Variants in CYP4X1 observed in about 807,000 individuals in gnomAD.
CYP4X1 encodes cytochrome P450 4X1.
In CYP4X1, 44 loss-of-function variants were observed where a neutral mutation model predicts 57.9. The ratio of observed to expected loss-of-function variants is 0.76; its 90% CI spans 0.60 to 0.98. CYP4X1 has a LOEUF of 0.98. CYP4X1 is among the 50% of genes least tolerant of loss of function. The pLI is 0.00. For synonymous variants in CYP4X1, 227 were observed against 228.6 expected (o/e 0.99, Z 0.06); for missense variants, 532 against 623.9 (o/e 0.85, Z 1.57).
the CYP4X1 span, among the ~76,000 whole-genome samples, chr1:46,995,731 A>G: frequency 1.1e-4 from 16 of 152,188 alleles, no homozygotes; most frequent in Non-Finnish European, 1.6e-4. Context: ...CCTTGTGACA[A>G]GAAATTCATT....
the CYP4X1 span, among the ~76,000 whole-genome samples, chr1:47,007,091 G>A: frequency 3.3e-5 from 5 of 152,328 alleles, no homozygotes; most frequent in South Asian, 2.1e-4. Flanking sequence ...AGTTCTCCCA[G>A]CACGCAGCTG....
the CYP4X1 span, among the ~76,000 whole-genome samples, chr1:46,968,429 T>G: frequency 6.6e-6 from 1 of 152,266 alleles, no homozygotes; most frequent in South Asian, 2.1e-4. Flanking sequence ...CAGCCCTCCA[T>G]GGACTGTTGC....
At chr1:46,995,656 C>T in the CYP4X1 span, among the ~76,000 whole-genome samples, 1 of 152,192 alleles carries the variant, frequency 6.6e-6, no homozygotes, top group African/African-American at 2.4e-5. Flanking sequence ...TCACAAGTTT[C>T]CTCCTGACCT....
At chr1:46,969,870 T>C in the CYP4X1 span, among the ~76,000 whole-genome samples, 1 of 152,230 alleles carries the variant, frequency 6.6e-6, no homozygotes, top group Admixed American at 6.5e-5. Context: ...GTACAGAACT[T>C]GCCAAATGGA....
chr1:46,961,536 G>A, the CYP4X1 span: 1 of 1,204,222 alleles, frequency 8.3e-7, no homozygotes, highest in Non-Finnish European at 1.1e-6. Flanking sequence ...ACAGGGGTGA[G>A]GTGTTCTTGG....
At chr1:47,044,822 C>A (rs1486479997) in intron 8 of CYP4X1, among the ~76,000 whole-genome samples, 9 of 149,612 alleles carry the variant, frequency 6.0e-5, no homozygotes, top group Non-Finnish European at 8.9e-5. Context: ...AGCAGAATTA[C>A]TCTTTTTTTT....
At chr1:46,964,748 C>T in the CYP4X1 span, among the ~76,000 whole-genome samples, 3 of 152,270 alleles carry the variant, frequency 2.0e-5, no homozygotes, top group African/African-American at 4.8e-5. Flanking sequence ...CTGGGAGAAC[C>T]ACTACTCTCT....
chr1:46,966,992 T>G, the CYP4X1 span, among the ~76,000 whole-genome samples: 1 of 152,222 alleles, frequency 6.6e-6, no homozygotes, highest in African/African-American at 2.4e-5. Flanking sequence ...TGACAAGGTA[T>G]GAAATGTGTT....
chr1:47,018,239 A>G, the CYP4X1 span, among the ~76,000 whole-genome samples: 1 of 152,164 alleles, frequency 6.6e-6, no homozygotes, highest in Non-Finnish European at 1.5e-5. Flanking sequence ...AAATATCACC[A>G]GACAAACTCA....
the CYP4X1 span, among the ~76,000 whole-genome samples, chr1:46,998,194 T>C: frequency 1.3e-5 from 2 of 152,094 alleles, no homozygotes; most frequent in Non-Finnish European, 2.9e-5. Context: ...AGAAACCTAG[T>C]CTTGTTCTGT....
intron 11 of CYP4X1, 73 bp from the exon 12 acceptor site, chr1:47,049,927 G>A: frequency 2.8e-6 from 4 of 1,433,624 alleles, no homozygotes; most frequent in Non-Finnish European, 3.9e-6. Flanking sequence ...CAGACTTATT[G>A]TACTAGTATT....
At chr1:47,026,784 C>G (rs1644070905) in intron 1 of CYP4X1, among the ~76,000 whole-genome samples, 2 of 152,034 alleles carry the variant, frequency 1.3e-5, no homozygotes. Flanking sequence ...GTGACGCAAT[C>G]TCGGCTCACT....
the CYP4X1 span, among the ~76,000 whole-genome samples, chr1:47,000,622 C>A: frequency 6.6e-6 from 1 of 151,934 alleles, no homozygotes; most frequent in Non-Finnish European, 1.5e-5. Context: ...GACAAGCAGG[C>A]AGAAGAAAGA....
At chr1:47,007,554 G>C in the CYP4X1 span, among the ~76,000 whole-genome samples, 1 of 152,182 alleles carries the variant, frequency 6.6e-6, no homozygotes, top group African/African-American at 2.4e-5. Flanking sequence ...CTCCTCACCA[G>C]CAATGGAACA....
the CYP4X1 span, among the ~76,000 whole-genome samples, chr1:47,015,072 G>A: frequency 3.9e-5 from 6 of 152,170 alleles, no homozygotes; most frequent in Non-Finnish European, 8.8e-5. Flanking sequence ...GGTCTGTGCA[G>A]TTGTAGCATG....
At chr1:46,991,598 C>G in the CYP4X1 span, among the ~76,000 whole-genome samples, 9 of 152,130 alleles carry the variant, frequency 5.9e-5, no homozygotes, top group African/African-American at 2.2e-4. Flanking sequence ...TATTTTCTAC[C>G]TCAGAAGCCT....
At chr1:47,020,545 C>G (rs1643984987), upstream of CYP4X1, among the ~76,000 whole-genome samples, 1 of 152,208 alleles carries the variant, frequency 6.6e-6, no homozygotes. Flanking sequence ...CTTAAGCGAC[C>G]CTTGTCTCCC....
In CYP4X1 at chr1:47,048,585, AT is replaced by A; in HGVS notation, c.1231del (p.Trp411GlyfsTer19). The A allele has an allele frequency of 1.9e-6, 3 of 1,614,124 alleles. No homozygotes were observed. Among genetic ancestry groups the A allele is most frequent in the Non-Finnish European group, 2.5e-6 (3 of 1,180,000 alleles). ...LPAGITVVLS[I>X]WGLHHNPAVW... ...CTTAGGGATCACCGTGGTTCTTAGT[AT>A]TTGGGGTCTTCACCACAACCCTGCT... On this transcript the variant is annotated frameshift_variant, in exon 10 of 12. Transcript: ENST00000371901. LOFTEE classifies it high-confidence loss of function.
intron 6 of CYP4X1, 104 bp downstream of exon 6, chr1:47,036,275 A>G: frequency 2.2e-6 from 3 of 1,357,082 alleles, no homozygotes; most frequent in East Asian, 2.5e-5. Flanking sequence ...AATCTTTGTT[A>G]TTAATGGAGC....
Sources: allele counts gnomAD v4.1 joint callset (sites outside exome capture counted in the v4.1 genomes callset), GRCh38; gene constraint gnomAD v4.1.1; transcripts MANE v1.5; gene names NCBI Gene and HGNC (gene_info 2026-07-23, HGNC 2026-07-21).